Variants in GPC5 observed in about 807,000 individuals in gnomAD.
The protein encoded by GPC5 is glypican-5.
In GPC5, 47 loss-of-function variants were observed where a neutral mutation model predicts 53.9. The ratio of observed to expected loss-of-function variants is 0.87; its 90% confidence interval spans 0.69 to 1.11. GPC5 has a LOEUF of 1.11. GPC5 is among the 50% of genes most tolerant of loss of function. GPC5 has a pLI of 0.00. For missense variants in GPC5, 748 were observed against 713.1 expected, an observed-to-expected ratio of 1.05 and a Z score of -0.56; for synonymous variants, 286 against 263.3, an observed-to-expected ratio of 1.09 and a Z score of -0.84.
intron 2 of GPC5, among the ~76,000 whole-genome samples, chr13:91,673,941 T>C (rs17424057): frequency 0.073 from 11,078 of 152,272 alleles, 567 homozygotes; most frequent in South Asian, 0.12. Context: ...CATTATTGCA[T>C]TGACTTAGAA....
chr13:92,348,597 A>T (rs9589518), intron 7 of GPC5, among the ~76,000 whole-genome samples: 38,423 of 151,972 alleles, frequency 0.25, 5,026 homozygotes, highest in South Asian at 0.38. Flanking sequence ...ACATAAACAG[A>T]ACATTCCATC....
intron 3 of GPC5, among the ~76,000 whole-genome samples, chr13:91,713,562 C>T (rs902786604): frequency 2.6e-5 from 4 of 152,152 alleles, no homozygotes; most frequent in Non-Finnish European, 4.4e-5. Context: ...CTTGTCACAT[C>T]AGCCTGGTAG....
At chr13:92,503,196 T>C (rs1880252270) in intron 7 of GPC5, among the ~76,000 whole-genome samples, 2 of 151,904 alleles carry the variant, frequency 1.3e-5, no homozygotes, top group African/African-American at 4.8e-5. Context: ...TAATGTACAT[T>C]GTACCATTAA....
At chr13:92,337,017 C>T (rs2043328570) in intron 7 of GPC5, among the ~76,000 whole-genome samples, 1 of 152,114 alleles carries the variant, frequency 6.6e-6, no homozygotes, top group Non-Finnish European at 1.5e-5. Context: ...AACCTACCCT[C>T]ATGATTCAGT....
intron 7 of GPC5, among the ~76,000 whole-genome samples, chr13:92,460,439 T>G (rs937603657): frequency 1.3e-5 from 2 of 152,134 alleles, no homozygotes; most frequent in Admixed American, 6.5e-5. Flanking sequence ...TTTTTTTTTC[T>G]TTCTGCAAGG....
At chr13:91,596,805 G>T (rs1395205065) in intron 2 of GPC5, among the ~76,000 whole-genome samples, 1 of 152,120 alleles carries the variant, frequency 6.6e-6, no homozygotes, top group Admixed American at 6.5e-5. Context: ...GTCACTATCT[G>T]TCACTGTAAG....
intron 2 of GPC5, among the ~76,000 whole-genome samples, chr13:91,466,309 A>T (rs369224899): frequency 5.3e-5 from 8 of 152,112 alleles, no homozygotes; most frequent in African/African-American, 1.9e-4. Context: ...AGTCCTATTA[A>T]ACTCATCTAC....
At chr13:92,598,072 T>C (rs909593916) in intron 7 of GPC5, among the ~76,000 whole-genome samples, 1 of 152,182 alleles carries the variant, frequency 6.6e-6, no homozygotes, top group Non-Finnish European at 1.5e-5. Flanking sequence ...AAATTTAGCT[T>C]ACTTGGATGT....
chr13:92,768,233 A>G (rs1429363537), intron 7 of GPC5, among the ~76,000 whole-genome samples: 1 of 152,196 alleles, frequency 6.6e-6, no homozygotes, highest in African/African-American at 2.4e-5. Flanking sequence ...ATGCATTGTA[A>G]GTTTTGTACT....
In GPC5 at chr13:92,121,744, ATCT is replaced by A. The variant is rs1205927819; in HGVS notation, c.1402-23081_1402-23079del. Among the ~76,000 whole-genome samples the A allele has an allele frequency of 2.0e-5, 3 of 152,120 alleles. No individual in the cohort carries two copies. The South Asian group carries it at 6.2e-4, about 32-fold the overall frequency. ...CCTTCAGACTTCCAAATGTCATTACATCTTCTTAGTGCCTGACCTCCTTTTCTC... is the reference window on the plus strand; with the variant it reads ...CCTTCAGACTTCCAAATGTCATTACATCTTAGTGCCTGACCTCCTTTTCTC... On this transcript the variant is annotated intron_variant, in intron 6 of 7. Coordinates refer to ENST00000377067, the MANE Select transcript of GPC5 (RefSeq NM_004466.6).
At chr13:92,478,246 T>G (rs1879224543) in intron 7 of GPC5, among the ~76,000 whole-genome samples, 1 of 152,188 alleles carries the variant, frequency 6.6e-6, no homozygotes, top group East Asian at 1.9e-4. Flanking sequence ...CATTCCTTAA[T>G]AGTTAATATA....
intron 7 of GPC5, among the ~76,000 whole-genome samples, chr13:92,183,351 A>G (rs1362552623): frequency 2.6e-5 from 4 of 151,586 alleles, no homozygotes; most frequent in Non-Finnish European, 5.9e-5. Flanking sequence ...TAGGTGGGTG[A>G]GGTCAGCTGC....
intron 7 of GPC5, among the ~76,000 whole-genome samples, chr13:92,632,476 A>G (rs962545712): frequency 1.6e-5 from 2 of 127,268 alleles, no homozygotes; most frequent in African/African-American, 2.9e-5. Flanking sequence ...ATATATATAT[A>G]TATATATATA....
At chr13:92,865,472 A>G (rs1339737209) in intron 7 of GPC5, among the ~76,000 whole-genome samples, 1 of 152,120 alleles carries the variant, frequency 6.6e-6, no homozygotes, top group Non-Finnish European at 1.5e-5. Flanking sequence ...ATAAAAGGGG[A>G]AAGTAAAAGG....
intron 1 of GPC5, among the ~76,000 whole-genome samples, chr13:91,443,371 C>G (rs1880573375): frequency 6.6e-6 from 1 of 152,168 alleles, no homozygotes; most frequent in Admixed American, 6.6e-5. Flanking sequence ...AGAAGATGGT[C>G]AGATGCAAGC....
At chr13:91,810,473 T>C (rs1847713) in intron 5 of GPC5, among the ~76,000 whole-genome samples, 49,486 of 151,848 alleles carry the variant, frequency 0.33, 9,513 homozygotes, top group East Asian at 0.64. Flanking sequence ...TCTTCAATTA[T>C]GTAGTCTGTA....
chr13:92,764,624 T>C (rs1021796198), intron 7 of GPC5, among the ~76,000 whole-genome samples: 1 of 152,196 alleles, frequency 6.6e-6, no homozygotes, highest in African/African-American at 2.4e-5. Context: ...AACTGGGAGA[T>C]AGAGTGGTAG....
chr13:91,855,272 C>T (rs976780885), intron 5 of GPC5, among the ~76,000 whole-genome samples: 2 of 151,606 alleles, frequency 1.3e-5, no homozygotes, highest in Non-Finnish European at 3.0e-5. Flanking sequence ...GGCACAGCTT[C>T]AAACTTCATT....
intron 6 of GPC5, among the ~76,000 whole-genome samples, chr13:91,981,999 G>A (rs2040364121): frequency 6.6e-6 from 1 of 152,174 alleles, no homozygotes; most frequent in African/African-American, 2.4e-5. Flanking sequence ...AGGGAGGCAG[G>A]AGTCTGTTTA....
Sources: allele counts gnomAD v4.1 joint callset (sites outside exome capture counted in the v4.1 genomes callset), GRCh38; gene constraint gnomAD v4.1.1; transcripts MANE v1.5; gene names NCBI Gene and HGNC (gene_info 2026-07-23, HGNC 2026-07-21).